The following POU6F2 variants were observed in gnomAD, a reference collection of about 807,000 sequenced individuals.
POU6F2 encodes the protein POU class 6 homeobox 2.
A neutral mutation model predicts 71.3 loss-of-function variants in POU6F2; 31 were observed. The ratio of observed to expected loss-of-function variants is 0.43; its 90% CI spans 0.33 to 0.59. The LOEUF is 0.59. Among genes scored for constraint, POU6F2 ranks in the 20% least tolerant of loss-of-function variants. The pLI is 0.04. For synonymous variants in POU6F2, 347 were observed against 355.7 expected, an observed-to-expected ratio of 0.98 and a Z score of 0.27; for missense variants, 783 against 856.8, an observed-to-expected ratio of 0.91 and a Z score of 1.07.
chr7:39,161,008 GCA>G, intron 2 of POU6F2, among the ~76,000 whole-genome samples: 1 of 152,142 alleles, frequency 6.6e-6, no homozygotes, highest in African/African-American at 2.4e-5. Flanking sequence ...CATATTTTGT[GCA>G]CAGAGTAGTA....
At chr7:38,993,766 G>A (rs1367751086) in intron 1 of POU6F2, among the ~76,000 whole-genome samples, 1 of 152,028 alleles carries the variant, frequency 6.6e-6, no homozygotes, top group Non-Finnish European at 1.5e-5. Flanking sequence ...CATCAACGTA[G>A]CATTCCGTGG....
At chr7:39,260,753 C>T (rs1784121344) in intron 4 of POU6F2, among the ~76,000 whole-genome samples, 1 of 151,802 alleles carries the variant, frequency 6.6e-6, no homozygotes, top group Non-Finnish European at 1.5e-5. Flanking sequence ...ACACAGACAC[C>T]ATGCCACATA....
At chr7:39,248,424 G>A (rs1479635698) in intron 4 of POU6F2, among the ~76,000 whole-genome samples, 7 of 152,120 alleles carry the variant, frequency 4.6e-5, no homozygotes, top group African/African-American at 1.2e-4. Context: ...TGCCCCCATC[G>A]CCTTTCCCCT....
intron 1 of POU6F2, among the ~76,000 whole-genome samples, chr7:39,073,084 T>C (rs1406319164): frequency 1.3e-5 from 2 of 152,188 alleles, no homozygotes; most frequent in Admixed American, 1.3e-4. Context: ...TCATTGTCCC[T>C]AGCACAACAC....
At chr7:39,430,562 CCTTT>C (rs1788076490) in intron 6 of POU6F2, among the ~76,000 whole-genome samples, 1 of 152,196 alleles carries the variant, frequency 6.6e-6, no homozygotes, top group Non-Finnish European at 1.5e-5. Context: ...TTTGCATTTG[CCTTT>C]CTTCTTTCCA....
At chr7:39,020,790 T>A (rs1167747309) in intron 1 of POU6F2, among the ~76,000 whole-genome samples, 3 of 148,612 alleles carry the variant, frequency 2.0e-5, no homozygotes, top group Non-Finnish European at 4.5e-5. Flanking sequence ...TTTTTTTTTT[T>A]AATGTACAGA....
At chr7:39,006,874 T>C in intron 1 of POU6F2, 1 of 1,613,364 alleles carries the variant, frequency 6.2e-7, no homozygotes. Context: ...TCAGGTATTT[T>C]GTTGATTTTT....
At chr7:39,204,140 A>G (rs1793959805) in intron 2 of POU6F2, 95 bp from the exon 3 acceptor site, 2 of 1,072,114 alleles carry the variant, frequency 1.9e-6, no homozygotes, top group Non-Finnish European at 2.8e-6. Context: ...ATATTGATAA[A>G]CCACTCTGTC....
At chr7:39,169,907 G>T (rs1054021261) in intron 2 of POU6F2, among the ~76,000 whole-genome samples, 2 of 152,134 alleles carry the variant, frequency 1.3e-5, no homozygotes, top group Non-Finnish European at 2.9e-5. Flanking sequence ...GTAAGGCTGG[G>T]CGCGGTGGCT....
chr7:39,426,707 A>G (rs1410333510), intron 6 of POU6F2, among the ~76,000 whole-genome samples: 1 of 152,168 alleles, frequency 6.6e-6, no homozygotes, highest in African/African-American at 2.4e-5. Flanking sequence ...TGAGAGCACA[A>G]TATTTATTCA....
intron 6 of POU6F2, among the ~76,000 whole-genome samples, chr7:39,418,967 G>GTATATA (rs1787756554): frequency 1.6e-5 from 2 of 123,776 alleles, no homozygotes; most frequent in Admixed American, 8.0e-5. Context: ...ATATATATGT[G>GTATATA]TATATATGTA....
chr7:39,102,201 A>G (rs909210894), intron 2 of POU6F2, among the ~76,000 whole-genome samples: 3 of 152,218 alleles, frequency 2.0e-5, no homozygotes, highest in Admixed American at 1.3e-4. Context: ...GAATTTATTG[A>G]GAGGTTAATT....
intron 5 of POU6F2, among the ~76,000 whole-genome samples, chr7:39,394,933 C>T (rs889348004): frequency 2.6e-5 from 4 of 152,170 alleles, no homozygotes; most frequent in Admixed American, 2.6e-4. Flanking sequence ...CACCACCATA[C>T]CTGACACACA....
intron 7 of POU6F2, among the ~76,000 whole-genome samples, chr7:39,439,029 T>C (rs1285042300): frequency 6.6e-6 from 1 of 152,218 alleles, no homozygotes; most frequent in East Asian, 1.9e-4. Context: ...GTTTGATGAA[T>C]CTGGGTGCTC....
chr7:39,215,667 G>A (rs1289061145), intron 4 of POU6F2, among the ~76,000 whole-genome samples: 1 of 152,124 alleles, frequency 6.6e-6, no homozygotes. Context: ...TACGCTACTG[G>A]GGGAGTGAAG....
chr7:39,306,680 G>GACCGC (rs1785054418), intron 4 of POU6F2, among the ~76,000 whole-genome samples: 2 of 152,166 alleles, frequency 1.3e-5, no homozygotes, highest in African/African-American at 4.8e-5. Flanking sequence ...GCTAAATTCA[G>GACCGC]AAAAAGTGGC....
At chr7:38,983,940 A>T (rs1788394536) in intron 1 of POU6F2, among the ~76,000 whole-genome samples, 1 of 152,090 alleles carries the variant, frequency 6.6e-6, no homozygotes, top group Non-Finnish European at 1.5e-5. Flanking sequence ...TTTTTGTTTT[A>T]TCAGTAGCTT....
intron 8 of POU6F2, among the ~76,000 whole-genome samples, chr7:39,457,756 T>A (rs1341521565): frequency 6.6e-6 from 1 of 152,170 alleles, no homozygotes; most frequent in Non-Finnish European, 1.5e-5. Flanking sequence ...ATCACAGTCC[T>A]AAAAGTGATA....
At chr7:39,251,551 C>T (rs964316577) in intron 4 of POU6F2, among the ~76,000 whole-genome samples, 3 of 152,148 alleles carry the variant, frequency 2.0e-5, no homozygotes, top group African/African-American at 4.8e-5. Context: ...TATTTGATGG[C>T]CCCTACCTTT....
Sources: allele counts gnomAD v4.1 joint callset (sites outside exome capture counted in the v4.1 genomes callset), GRCh38; gene constraint gnomAD v4.1.1; transcripts MANE v1.5; gene names NCBI Gene and HGNC (gene_info 2026-07-23, HGNC 2026-07-21).